JMJD1C: variants seen among roughly 807,000 people sequenced by gnomAD.
JMJD1C encodes jumonji domain containing 1C.
In JMJD1C, 31 loss-of-function variants were observed where a neutral mutation model predicts 245.3. That is an observed-to-expected ratio of 0.13 (90% CI 0.09 to 0.17). The LOEUF (loss-of-function observed/expected upper bound fraction) is 0.17, where lower values mean the gene tolerates loss of function less well. Ranked by LOEUF, JMJD1C falls within the 10% of genes least tolerant of loss-of-function variation. The probability of loss-of-function intolerance (pLI) is 1.00; values close to 1 mark genes in which losing one functional copy is unlikely to be tolerated. For synonymous variants in JMJD1C, 1,057 were observed against 1,017.4 expected (o/e 1.04, Z -0.74); for missense variants, 2,691 against 3,000.2 (o/e 0.90, Z 2.41).
intron 8 of JMJD1C, among the ~76,000 whole-genome samples, chr10:63,213,149 G>A (rs1254650425): frequency 1.4e-5 from 2 of 142,734 alleles, no homozygotes; most frequent in Non-Finnish European, 3.0e-5. Flanking sequence ...TCATGTCACT[G>A]CATCTAGCCT....
chr10:63,448,102 T>A (rs568759413), intron 1 of JMJD1C, among the ~76,000 whole-genome samples: 1 of 152,310 alleles, frequency 6.6e-6, no homozygotes, highest in African/African-American at 2.4e-5. Context: ...TTTCATCCTT[T>A]GTGCATTACT....
chr10:63,199,000 T>C (rs1439725258), intron 11 of JMJD1C, among the ~76,000 whole-genome samples: 1 of 152,086 alleles, frequency 6.6e-6, no homozygotes, highest in African/African-American at 2.4e-5. Flanking sequence ...ATGAAAACTG[T>C]TTAAGTGTTT....
At chr10:63,252,606 T>C (rs1306287422) in intron 3 of JMJD1C, among the ~76,000 whole-genome samples, 2 of 152,200 alleles carry the variant, frequency 1.3e-5, no homozygotes, top group Non-Finnish European at 2.9e-5. Flanking sequence ...TCTCAATTTC[T>C]ATACACAAAC....
At chr10:63,189,927 G>A (rs994276218) in intron 17 of JMJD1C, among the ~76,000 whole-genome samples, 1 of 144,896 alleles carries the variant, frequency 6.9e-6, no homozygotes, top group African/African-American at 2.6e-5. Context: ...GTCTCACTCT[G>A]TTGCCCAGGC....
chr10:63,513,089 T>G (rs1954918446), intron 1 of JMJD1C, among the ~76,000 whole-genome samples: 1 of 152,242 alleles, frequency 6.6e-6, no homozygotes, highest in African/African-American at 2.4e-5. Flanking sequence ...TGTCTACTTT[T>G]TCCTTTAAAG....
At chr10:63,333,800 T>G (rs1019084003) in intron 2 of JMJD1C, among the ~76,000 whole-genome samples, 5 of 152,188 alleles carry the variant, frequency 3.3e-5, no homozygotes, top group Admixed American at 6.5e-5. Flanking sequence ...TGTCAGAGAC[T>G]TTTACAATCC....
intron 2 of JMJD1C, among the ~76,000 whole-genome samples, chr10:63,367,535 T>A (rs1945954605): frequency 6.6e-6 from 1 of 152,134 alleles, no homozygotes. Context: ...AGTGAGCTAC[T>A]GTACCCGGCA....
rs1842993432 is a variant in JMJD1C, at chr10:63,177,840, A to T, written c.7101T>A (p.Phe2367Leu). 4 of 1,611,744 alleles carry T rather than the reference A, an allele frequency of 2.5e-6. No individual in the cohort carries two copies. In the African/African-American group the frequency reaches 4.0e-5, roughly 16 times the overall value. ...ILSKAGILKK[F>L]EEEDLDDILR... ...AAATGTCATCCAAATCTTCTTCCTC[A>T]AATTTCTTGAGAATTCCTGAAACAA... Residue 2367 changes from phenylalanine (F) to leucine (L), a missense_variant, in exon 23 of 26, where the codon TTT becomes TTA. Phe to Leu is a conservative substitution (Grantham distance 22). Coordinates refer to ENST00000399262, the MANE Select transcript of JMJD1C (RefSeq NM_032776.3).
At chr10:63,180,838 G>T (rs930793018) in intron 22 of JMJD1C, among the ~76,000 whole-genome samples, 1 of 150,352 alleles carries the variant, frequency 6.7e-6, no homozygotes, top group African/African-American at 2.5e-5. Flanking sequence ...GCGGGATCTC[G>T]GCTCACTGCA....
chr10:63,501,211 C>T (rs1954549656), intron 1 of JMJD1C, among the ~76,000 whole-genome samples: 1 of 152,194 alleles, frequency 6.6e-6, no homozygotes, highest in East Asian at 1.9e-4. Flanking sequence ...TTATTCAATG[C>T]TATGAATAGA....
rs1264478951 is a variant in JMJD1C at position 63,350,196 on chromosome 10, A to AT, written c.333+30121dup. 2.0e-5 allele frequency among the ~76,000 whole-genome samples: 3 copies of AT among 152,178 alleles called. No homozygotes were observed. In the East Asian group the frequency reaches 5.8e-4, roughly 29 times the overall value. ...CAGAAAAGGTGACCTGACTCATGAG[A>AT]TAAGTGACTTGTGTGTGGGTTTATT... is the stretch of plus-strand genomic sequence containing the variant. On this transcript the variant is annotated intron_variant, in intron 2 of 25. Transcript: ENST00000399262.
intron 3 of JMJD1C, among the ~76,000 whole-genome samples, chr10:63,245,903 G>A (rs1852145581): frequency 6.6e-6 from 1 of 152,166 alleles, no homozygotes; most frequent in Non-Finnish European, 1.5e-5. Context: ...TGGGAACTGT[G>A]GGAGTTACAA....
intron 1 of JMJD1C, among the ~76,000 whole-genome samples, chr10:63,421,825 G>A (rs191355857): frequency 1.3e-5 from 2 of 152,258 alleles, no homozygotes; most frequent in African/African-American, 4.8e-5. Flanking sequence ...TGAGGACATG[G>A]CAAGAAAGCA....
chr10:63,269,164 G>A (rs149190478), intron 2 of JMJD1C: 137 of 985,386 alleles, frequency 1.4e-4, no homozygotes, highest in Non-Finnish European at 1.5e-4. Context: ...ACTGTACTCT[G>A]TCTGCGTGGA....
chr10:63,269,088 T>A, intron 2 of JMJD1C: 1 of 985,440 alleles, frequency 1.0e-6, no homozygotes, highest in Non-Finnish European at 1.2e-6. Context: ...CGAGGTCGCT[T>A]ACATAACCAG....
At chr10:63,378,545 T>G (rs1946958860) in intron 2 of JMJD1C, among the ~76,000 whole-genome samples, 2 of 152,082 alleles carry the variant, frequency 1.3e-5, no homozygotes, top group African/African-American at 4.8e-5. Flanking sequence ...TGAGCCGAGA[T>G]CATGCCACTG....
At chr10:63,202,941 T>C (rs1589136068) in intron 10 of JMJD1C, 4 of 982,506 alleles carry the variant, frequency 4.1e-6, no homozygotes, top group Non-Finnish European at 4.8e-6. Context: ...TTTTATTATA[T>C]GCCTTTAATT....
intron 2 of JMJD1C, among the ~76,000 whole-genome samples, chr10:63,307,495 G>A (rs1252889791): frequency 1.3e-5 from 2 of 152,074 alleles, no homozygotes; most frequent in Non-Finnish European, 2.9e-5. Context: ...TAAGGACAGG[G>A]GCAAAGTGGG....
chr10:63,339,622 T>C (rs1286621647), intron 2 of JMJD1C, among the ~76,000 whole-genome samples: 1 of 34,720 alleles, frequency 2.9e-5, no homozygotes, highest in East Asian at 3.9e-4. Context: ...CATCTCTAAT[T>C]TAAAAAAAAA....
Sources: allele counts gnomAD v4.1 joint callset (sites outside exome capture counted in the v4.1 genomes callset), GRCh38; gene constraint gnomAD v4.1.1; transcripts MANE v1.5; gene names NCBI Gene and HGNC (gene_info 2026-07-23, HGNC 2026-07-21).